RAI14: variants seen among roughly 807,000 people sequenced by gnomAD.
RAI14 encodes retinoic acid induced 14.
In RAI14, 45 loss-of-function variants were observed where a neutral mutation model predicts 115.4. The ratio of observed to expected loss-of-function variants is 0.39; its 90% CI spans 0.31 to 0.50. RAI14 has a LOEUF of 0.50. Ranked by LOEUF, RAI14 falls within the 20% of genes least tolerant of loss-of-function variation. RAI14 has a pLI of 0.85. For missense variants in RAI14, 939 were observed against 1,131.2 expected, an observed-to-expected ratio of 0.83 and a Z score of 2.44; for synonymous variants, 371 against 415.4, an observed-to-expected ratio of 0.89 and a Z score of 1.30.
At chr5:34,809,330 C>T (rs1755311293) in intron 7 of RAI14, among the ~76,000 whole-genome samples, 1 of 152,146 alleles carries the variant, frequency 6.6e-6, no homozygotes, top group Admixed American at 6.6e-5. Flanking sequence ...TTTCCATTTA[C>T]AAAATGTAGT....
intron 3 of RAI14, among the ~76,000 whole-genome samples, chr5:34,778,688 G>A (rs1018632766): frequency 1.3e-5 from 2 of 151,656 alleles, no homozygotes; most frequent in African/African-American, 4.9e-5. Flanking sequence ...AATCGCTTGA[G>A]GCCAGGAATT....
chr5:34,808,031 T>G (rs10472939), intron 6 of RAI14, among the ~76,000 whole-genome samples, 174 bp downstream of exon 6: 5,991 of 152,328 alleles, frequency 0.039, 347 homozygotes, highest in African/African-American at 0.13. Flanking sequence ...CCGAGGCATA[T>G]GCCTAGAATT....
intron 2 of RAI14, among the ~76,000 whole-genome samples, chr5:34,743,804 C>T (rs921853700): frequency 1.3e-5 from 2 of 152,240 alleles, no homozygotes; most frequent in African/African-American, 2.4e-5. Context: ...GTGTATGGGG[C>T]GGGGGTGCAG....
chr5:34,719,690 C>T (rs1290312882), intron 2 of RAI14, among the ~76,000 whole-genome samples: 5 of 152,180 alleles, frequency 3.3e-5, no homozygotes, highest in Non-Finnish European at 5.9e-5. Context: ...GTGTCACCTT[C>T]TAGCTTTGAA....
chr5:34,737,168 A>T (rs1744975863), intron 2 of RAI14, among the ~76,000 whole-genome samples: 1 of 152,108 alleles, frequency 6.6e-6, no homozygotes, highest in Non-Finnish European at 1.5e-5. Context: ...TCTTCCATGA[A>T]ACTGGTCTCT....
At chr5:34,720,859 A>C (rs1050116739) in intron 2 of RAI14, among the ~76,000 whole-genome samples, 54 of 151,440 alleles carry the variant, frequency 3.6e-4, no homozygotes, top group African/African-American at 1.3e-3. Flanking sequence ...TTTATTTTTT[A>C]CTTTTTTTAC....
chr5:34,788,644 A>G (rs1752588269), intron 3 of RAI14, among the ~76,000 whole-genome samples: 1 of 152,206 alleles, frequency 6.6e-6, no homozygotes, highest in South Asian at 2.1e-4. Context: ...TACTTGAGTT[A>G]ATTCCAATGC....
At position 34,725,243 on chromosome 5, in the gene RAI14, A is replaced by C. The variant is rs1743296351; in HGVS notation, c.37-32225A>C. The stretch of plus-strand genomic sequence containing the variant: ...CTGCAAAAGGATTCAAATTGTTTAG[A>C]AATATATGACCATTATGAAGCATTA... On this transcript the variant is annotated intron_variant, in intron 2 of 17. Coordinates refer to ENST00000265109, the MANE Select transcript of RAI14 (RefSeq NM_015577.3). 2.6e-5 allele frequency among the ~76,000 whole-genome samples: 4 copies of C among 152,298 alleles called. No individual in the cohort carries two copies. In the South Asian group the frequency reaches 8.3e-4, roughly 32 times the overall value.
At chr5:34,718,530 A>G (rs1449606693) in intron 2 of RAI14, among the ~76,000 whole-genome samples, 3 of 152,264 alleles carry the variant, frequency 2.0e-5, no homozygotes, top group South Asian at 2.1e-4. Flanking sequence ...ATTACACACA[A>G]TGGTGCTCAG....
chr5:34,659,378 C>T (rs1403490259), intron 1 of RAI14, among the ~76,000 whole-genome samples: 1 of 152,196 alleles, frequency 6.6e-6, no homozygotes, highest in African/African-American at 2.4e-5. Context: ...AGCAGTCCTC[C>T]TGCCTCATCC....
chr5:34,822,254 A>G (rs546593022), intron 14 of RAI14, among the ~76,000 whole-genome samples: 5,827 of 142,084 alleles, frequency 0.041, 136 homozygotes, highest in African/African-American at 0.065. Flanking sequence ...GTGTATGTAT[A>G]TATATATATA....
At chr5:34,822,859 A>AC (rs1757037494) in intron 14 of RAI14, 97 bp from the exon 15 acceptor site, 2 of 1,096,824 alleles carry the variant, frequency 1.8e-6, no homozygotes, top group Non-Finnish European at 2.6e-6. Flanking sequence ...AATTTTTTGT[A>AC]TTTTTTTTTA....
intron 5 of RAI14, among the ~76,000 whole-genome samples, chr5:34,805,980 A>G (rs1754845520): frequency 6.6e-6 from 1 of 152,200 alleles, no homozygotes. Flanking sequence ...AGCAGCCCCT[A>G]TCCCAGTGGA....
At chr5:34,709,079 A>G (rs1225044377) in intron 2 of RAI14, among the ~76,000 whole-genome samples, 1 of 149,082 alleles carries the variant, frequency 6.7e-6, no homozygotes, top group Non-Finnish European at 1.5e-5. Context: ...ACAGTAAGCT[A>G]TGATCATGCT....
At chr5:34,683,920 G>A (rs1744589535) in intron 1 of RAI14, among the ~76,000 whole-genome samples, 1 of 152,104 alleles carries the variant, frequency 6.6e-6, no homozygotes, top group South Asian at 2.1e-4. Flanking sequence ...GCAGAGACGG[G>A]GTTTCACCGT....
At chr5:34,688,288 G>A (rs1263559773) in intron 2 of RAI14, 2 of 1,504,508 alleles carry the variant, frequency 1.3e-6, no homozygotes, top group Non-Finnish European at 1.8e-6. Context: ...AGCAGATAGG[G>A]GTTTCTAAAT....
Position 34,801,572 on chromosome 5 carries a change from T to C in RAI14, c.257-2140T>C, listed in dbSNP as rs573390478. Among the ~76,000 whole-genome samples, 24 of 151,988 alleles carry C rather than the reference T, an allele frequency of 1.6e-4. No homozygotes were observed. In the South Asian group the frequency reaches 4.6e-3, roughly 29 times the overall value. On this transcript the variant is annotated intron_variant, in intron 4 of 17. Transcript: ENST00000265109. Reference sequence around the variant, plus strand: ...GCCTGGCCAACATGGTGAAACCCCATCTCTACTAAAATACAAAAATTAGCC... The same window carrying C: ...GCCTGGCCAACATGGTGAAACCCCACCTCTACTAAAATACAAAAATTAGCC...
chr5:34,660,460 G>C (rs1490798803), intron 1 of RAI14, among the ~76,000 whole-genome samples: 2 of 152,140 alleles, frequency 1.3e-5, no homozygotes, highest in Non-Finnish European at 2.9e-5. Context: ...AAAAGAAAAA[G>C]TGGCTCTTCA....
chr5:34,830,863 CA>C lies in RAI14; in HGVS notation c.*99del, dbSNP rs1282572300. On this transcript the variant is annotated 3_prime_UTR_variant, in exon 18 of 18. Transcript: ENST00000265109. The stretch of plus-strand genomic sequence containing the variant: ...TGCCATTGTTCTCATTCGTGGTATG[CA>C]CTGTGGCCTAGCGTAGCTTCTTCCC... 4.2e-5 allele frequency: 65 copies of C among 1,564,152 alleles called. No homozygotes were observed. Among genetic ancestry groups the C allele is most frequent in the Admixed American group, 7.3e-5 (4 of 54,854 alleles).
Sources: allele counts gnomAD v4.1 joint callset (sites outside exome capture counted in the v4.1 genomes callset), GRCh38; gene constraint gnomAD v4.1.1; transcripts MANE v1.5; gene names NCBI Gene and HGNC (gene_info 2026-07-23, HGNC 2026-07-21).